CBFA2T3: variants seen among roughly 807,000 people sequenced by gnomAD.
CBFA2T3 encodes transcriptional corepressor CBFA2T3.
In CBFA2T3, 31 loss-of-function variants were observed where a neutral mutation model predicts 58.6. The observed-to-expected ratio is 0.53, with a 90% confidence interval of 0.40 to 0.71. CBFA2T3 has a LOEUF of 0.71. Ranked by LOEUF, CBFA2T3 falls within the 30% of genes least tolerant of loss-of-function variation. The pLI is 0.00. For missense variants in CBFA2T3, 1,076 were observed against 963.1 expected, an observed-to-expected ratio of 1.12 and a Z score of -1.55; for synonymous variants, 531 against 421.9, an observed-to-expected ratio of 1.26 and a Z score of -3.17.
intron 1 of CBFA2T3, among the ~76,000 whole-genome samples, chr16:88,962,065 G>T (rs946987895): frequency 6.6e-6 from 1 of 151,128 alleles, no homozygotes; most frequent in Non-Finnish European, 1.5e-5. Context: ...CCTCAGGGCT[G>T]GACATTCCCA....
In CBFA2T3 at chr16:88,885,112, G is replaced by A. The variant is rs1567578075; in HGVS notation, c.1051C>T (p.His351Tyr). 3.1e-6 allele frequency: 5 copies of A among 1,602,654 alleles called. No individual in the cohort carries two copies. The highest frequency in any genetic ancestry group is 4.2e-6 in the Non-Finnish European group (5 of 1,177,422). ...TGGCGGTAGGCATCTCGGAAGTGGT[G>A]GGCCATGGCTATGTCCTCCAGGCGG... ...HYRLEDIAMA[H>Y]HFRDAYRHPD... The change falls in exon 7 of 12, where the codon CAC (histidine) becomes TAC (tyrosine). Residue 351 changes from histidine to tyrosine, a missense_variant. By Grantham distance (83) the His-to-Tyr change is moderately conservative. Coordinates refer to ENST00000268679, the MANE Select transcript of CBFA2T3 (RefSeq NM_005187.6). This position sits in a 1 kb window ranked among gnomAD's most constrained non-coding sequence, Gnocchi z 5.3.
chr16:88,946,422 A>G (rs1469983085), intron 1 of CBFA2T3, among the ~76,000 whole-genome samples: 2 of 152,232 alleles, frequency 1.3e-5, no homozygotes, highest in African/African-American at 4.8e-5. Flanking sequence ...TGGAAGTAGT[A>G]AAAAGGTCAG....
intron 1 of CBFA2T3, among the ~76,000 whole-genome samples, chr16:88,921,832 T>C (rs1205520172): frequency 1.3e-5 from 2 of 152,352 alleles, no homozygotes; most frequent in East Asian, 3.8e-4. Flanking sequence ...ATATGCGCCA[T>C]AGCCTTCGTG....
intron 1 of CBFA2T3, among the ~76,000 whole-genome samples, chr16:88,972,983 A>C (rs187644297): frequency 6.6e-6 from 1 of 150,872 alleles, no homozygotes; most frequent in Non-Finnish European, 1.5e-5. Flanking sequence ...GCACACACTG[A>C]CCTCCCTGCC....
chr16:88,915,394 A>AC (rs1970666596), intron 1 of CBFA2T3, among the ~76,000 whole-genome samples: 3 of 16,688 alleles, frequency 1.8e-4, no homozygotes, highest in Non-Finnish European at 3.7e-4. Flanking sequence ...AGCAGCATGG[A>AC]GGGGGGAGCG....
At chr16:88,905,860 G>T (rs1172735557) in intron 1 of CBFA2T3, among the ~76,000 whole-genome samples, 1 of 151,958 alleles carries the variant, frequency 6.6e-6, no homozygotes, top group Admixed American at 6.5e-5. Context: ...AGACATGGGG[G>T]GCTGGTTGCT....
At chr16:88,905,449 C>G (rs1323714589) in intron 1 of CBFA2T3, among the ~76,000 whole-genome samples, 1 of 151,976 alleles carries the variant, frequency 6.6e-6, no homozygotes, top group Non-Finnish European at 1.5e-5. Flanking sequence ...CAGGATGTCA[C>G]CCCACACTGG....
chr16:88,894,491 A>C (rs1422856196), intron 3 of CBFA2T3, among the ~76,000 whole-genome samples: 1 of 120,162 alleles, frequency 8.3e-6, no homozygotes. Flanking sequence ...CACAATGTAC[A>C]CACATGCACA....
chr16:88,970,921 A>G (rs1190017611), intron 1 of CBFA2T3, among the ~76,000 whole-genome samples: 1 of 151,936 alleles, frequency 6.6e-6, no homozygotes, highest in African/African-American at 2.4e-5. Flanking sequence ...AGGAACACCG[A>G]GGGAAGGAGG....
Position 88,958,082 on chromosome 16 carries a change from G to C in CBFA2T3, c.151+18575C>G, listed in dbSNP as rs2142856686. Among the ~76,000 whole-genome samples, 1 of 152,320 alleles carries C rather than the reference G, an allele frequency of 6.6e-6. No individual in the cohort carries two copies. Among genetic ancestry groups the C allele is most frequent in the South Asian group, 2.1e-4 (1 of 4,826 alleles). Reference sequence around the variant, plus strand: ...CTGCTCACAATCCCTCGCTCACAGAGAGGCCACGGAACTTTGTCAGCGCAC... The same window carrying C: ...CTGCTCACAATCCCTCGCTCACAGACAGGCCACGGAACTTTGTCAGCGCAC... On this transcript the variant is annotated intron_variant, in intron 1 of 11. Coordinates refer to ENST00000268679, the MANE Select transcript of CBFA2T3 (RefSeq NM_005187.6). This position sits in a 1 kb window ranked among gnomAD's most constrained non-coding sequence, Gnocchi z 4.0.
intron 1 of CBFA2T3, among the ~76,000 whole-genome samples, chr16:88,946,786 T>A (rs1367460808): frequency 6.6e-6 from 1 of 151,586 alleles, no homozygotes; most frequent in African/African-American, 2.4e-5. Context: ...TGGCTGAGTT[T>A]TTTTGTTTGT....
chr16:88,895,493 G>A (rs535444292), intron 3 of CBFA2T3, among the ~76,000 whole-genome samples: 1 of 152,300 alleles, frequency 6.6e-6, no homozygotes, highest in East Asian at 1.9e-4. Context: ...ACACACAGCA[G>A]GGCAGCCCGG....
intron 1 of CBFA2T3, among the ~76,000 whole-genome samples, chr16:88,913,560 G>A (rs1374340439): frequency 1.3e-5 from 2 of 152,176 alleles, no homozygotes; most frequent in Admixed American, 1.3e-4. Context: ...GAAGAGAAGT[G>A]ACCCATCTTG....
Position 88,879,331 on chromosome 16 carries a change from G to T in CBFA2T3, c.1601C>A (p.Ala534Glu). The T allele has an allele frequency of 6.2e-7, 1 of 1,610,886 alleles. No individual in the cohort carries two copies. The highest frequency in any genetic ancestry group is 8.5e-7 in the Non-Finnish European group (1 of 1,178,632). ...RAKMERALAE[A>E]KRQASEDALT... The stretch of plus-strand genomic sequence containing the variant: ...GGCGTCCTCGGAGGCCTGCCGCTTC[G>T]CCTCGGCCAGGGCCCGCTCCATCTT... The change falls in exon 11 of 12, where the codon GCG becomes GAG. Residue 534 changes from alanine (A) to glutamate (E), a missense_variant. Transcript: ENST00000268679.
chr16:88,938,709 C>T (rs1378968987), intron 1 of CBFA2T3: 4 of 152,222 alleles, frequency 2.6e-5, no homozygotes, highest in South Asian at 4.1e-4. Context: ...TCTGAACACC[C>T]GCGTGGCACA....
chr16:88,970,735 A>G (rs1567641422), intron 1 of CBFA2T3, among the ~76,000 whole-genome samples: 1 of 152,216 alleles, frequency 6.6e-6, no homozygotes, highest in Non-Finnish European at 1.5e-5. Context: ...CTGGAGATGG[A>G]ATAGACTCAC....
At chr16:88,921,508 C>A (rs1417358438) in intron 1 of CBFA2T3, among the ~76,000 whole-genome samples, 1 of 151,866 alleles carries the variant, frequency 6.6e-6, no homozygotes, top group African/African-American at 2.4e-5. Flanking sequence ...TTCCCGGGAT[C>A]TCCCTGGGTG....
intron 1 of CBFA2T3, among the ~76,000 whole-genome samples, chr16:88,944,867 A>C (rs1364118881): frequency 6.6e-6 from 1 of 152,222 alleles, no homozygotes; most frequent in African/African-American, 2.4e-5. Flanking sequence ...TCTTGCCACC[A>C]GCCTTGTTTG....
At chr16:88,919,504 G>A (rs991195167) in intron 1 of CBFA2T3, among the ~76,000 whole-genome samples, 4 of 152,146 alleles carry the variant, frequency 2.6e-5, no homozygotes, top group African/African-American at 9.7e-5. Context: ...GGCCTCAGGC[G>A]CTGTCCCTAC....
Sources: allele counts gnomAD v4.1 joint callset (sites outside exome capture counted in the v4.1 genomes callset), GRCh38; gene constraint gnomAD v4.1.1; non-coding constraint Gnocchi (gnomAD v3.1); transcripts MANE v1.5; gene names NCBI Gene and HGNC (gene_info 2026-07-23, HGNC 2026-07-21).